The following RSPO2 variants were observed in gnomAD, a reference collection of about 807,000 sequenced individuals.
RSPO2 encodes R-spondin 2.
RSPO2 carries 14 observed loss-of-function variants against 30.9 expected under a neutral mutation model. The ratio of observed to expected loss-of-function variants is 0.45; its 90% CI spans 0.30 to 0.71. The LOEUF (loss-of-function observed/expected upper bound fraction) is 0.71. RSPO2 is among the 30% of genes least tolerant of loss of function. The probability of loss-of-function intolerance (pLI) is 0.08; values close to 1 mark genes in which losing one functional copy is unlikely to be tolerated. For synonymous variants in RSPO2, 107 were observed against 96.4 expected, an observed-to-expected ratio of 1.11 and a Z score of -0.64; for missense variants, 264 against 301.9, an observed-to-expected ratio of 0.87 and a Z score of 0.93.
intron 2 of RSPO2, among the ~76,000 whole-genome samples, chr8:108,004,825 C>T (rs1332747094): frequency 6.6e-6 from 1 of 152,094 alleles, no homozygotes; most frequent in Non-Finnish European, 1.5e-5. Context: ...TTTCAGTAAT[C>T]AGTATGTATT....
rs1281742725 is a variant in RSPO2 at position 107,900,759 on chromosome 8, C to CACA, written c.*313_*315dup. 5 of 243,494 alleles carry CACA rather than the reference C, an allele frequency of 2.1e-5. No individual in the cohort carries two copies. Among genetic ancestry groups the CACA allele is most frequent in the African/African-American group, 1.1e-4 (5 of 44,772 alleles). The allele number at this position is 243,494 out of a possible 1,614,324, so 15.1% of individuals were successfully genotyped here. A position where few individuals can be genotyped will look rare whatever the true frequency, so the allele number is the denominator to read the frequency against. ...AAGCATCTTCTTTCACATAAATAGG[C>CACA]ACAAGTCCGTCCTCCAGCGGTGTTC... On this transcript the variant is annotated 3_prime_UTR_variant, in exon 6 of 6. Coordinates refer to ENST00000276659, the MANE Select transcript of RSPO2 (RefSeq NM_178565.5).
At chr8:107,926,478 T>C (rs1243758963) in intron 5 of RSPO2, among the ~76,000 whole-genome samples, 2 of 152,220 alleles carry the variant, frequency 1.3e-5, no homozygotes, top group Admixed American at 1.3e-4. Flanking sequence ...TCCTTGCCCA[T>C]GCCTATGTCC....
Position 108,082,724 on chromosome 8 carries a change from G to T in RSPO2, c.-86C>A. On this transcript the variant is annotated 5_prime_UTR_variant, in exon 2 of 6. Transcript: ENST00000276659. ...AAGAGCCGGCGCCGGCCGCGCTGCT[G>T]GGGAGGACTCAGAGGGAGACTCGCC... 8.7e-7 allele frequency: 1 copy of T among 1,150,494 alleles called. No homozygotes were observed. The highest frequency in any genetic ancestry group is 1.3e-6 in the Non-Finnish European group (1 of 781,494). 71.3% of individuals were successfully genotyped at this position (1,150,494 alleles called of 1,614,324 possible). A position where few individuals can be genotyped will look rare whatever the true frequency, so the allele number is the denominator to read the frequency against.
rs1268353391 is a variant in RSPO2 at position 107,899,647 on chromosome 8, C to G, written c.*1428G>C. On this transcript the variant is annotated 3_prime_UTR_variant, in exon 6 of 6. Transcript: ENST00000276659. ...CAAGGTGAAAAAAAAAAGGCTTTAC[C>G]TTGCTTTGTTTCAAAATCCACAACC... The G allele has an allele frequency of 6.6e-6, 1 of 152,448 alleles. No individual in the cohort carries two copies. Among genetic ancestry groups the G allele is most frequent in the Non-Finnish European group, 1.5e-5 (1 of 67,998 alleles). 9.4% of individuals were successfully genotyped at this position (152,448 alleles called of 1,614,324 possible). A position where few individuals can be genotyped will look rare whatever the true frequency, so the allele number is the denominator to read the frequency against.
chr8:108,057,040 A>T, intron 2 of RSPO2, among the ~76,000 whole-genome samples: 1 of 125,740 alleles, frequency 8.0e-6, no homozygotes, highest in Non-Finnish European at 1.6e-5. Flanking sequence ...CTGGCAACAG[A>T]GTGAGACTCT....
chr8:107,940,793 G>A (rs73700342), intron 5 of RSPO2, among the ~76,000 whole-genome samples: 16,139 of 152,104 alleles, frequency 0.11, 993 homozygotes, highest in East Asian at 0.22. Flanking sequence ...TTAACCAATA[G>A]ATGAATAAGG....
intron 5 of RSPO2, among the ~76,000 whole-genome samples, chr8:107,940,261 C>G (rs1461740694): frequency 6.6e-6 from 1 of 151,922 alleles, no homozygotes; most frequent in African/African-American, 2.4e-5. Flanking sequence ...TAAAGGAACT[C>G]AAAATGTAAA....
At chr8:108,000,803 G>C (rs917057930) in intron 2 of RSPO2, among the ~76,000 whole-genome samples, 37 of 152,094 alleles carry the variant, frequency 2.4e-4, no homozygotes, top group African/African-American at 8.2e-4. Flanking sequence ...AGATTGAGAT[G>C]ATCCTGGCTA....
At chr8:108,048,584 G>A (rs1008865382) in intron 2 of RSPO2, among the ~76,000 whole-genome samples, 7 of 151,802 alleles carry the variant, frequency 4.6e-5, no homozygotes, top group South Asian at 4.2e-4. Context: ...TCTTGTTAGC[G>A]GTCTATCAAT....
In RSPO2 at chr8:107,900,467, G is replaced by C. The variant is rs749900001; in HGVS notation, c.*608C>G. 1 of 152,572 alleles carries C rather than the reference G, an allele frequency of 6.6e-6. No individual in the cohort carries two copies. Among genetic ancestry groups the C allele is most frequent in the Non-Finnish European group, 1.5e-5 (1 of 68,038 alleles). The allele number at this position is 152,572 out of a possible 1,614,324, so 9.5% of individuals were successfully genotyped here. On this transcript the variant is annotated 3_prime_UTR_variant, in exon 6 of 6. Transcript: ENST00000276659. Reference sequence around the variant, plus strand: ...GCATCATATTAATCAGGTATGACTTGTTACCCACAAGAAAGCATAAATATA... The same window carrying C: ...GCATCATATTAATCAGGTATGACTTCTTACCCACAAGAAAGCATAAATATA...
intron 2 of RSPO2, among the ~76,000 whole-genome samples, 194 bp downstream of exon 2, chr8:108,082,329 AGCGCGTCTCGCTCCGGCTCCCC>A (rs1586687715): frequency 6.6e-6 from 1 of 152,220 alleles, no homozygotes; most frequent in South Asian, 2.1e-4. Context: ...CCGAGCTCCC[AGCGCGTCTCGCTCCGGCTCCCC>A]GCGCCTCCAG....
In RSPO2 at chr8:107,900,325, A is replaced by G. The variant is rs1193350674; in HGVS notation, c.*750T>C. ...TATCCTACCCTTACAATGAGAAATAAGCCCACAATGAGGGGAAAAAAAAAA... is the reference window on the plus strand; with the variant it reads ...TATCCTACCCTTACAATGAGAAATAGGCCCACAATGAGGGGAAAAAAAAAA... On this transcript the variant is annotated 3_prime_UTR_variant, in exon 6 of 6. Coordinates refer to ENST00000276659, the MANE Select transcript of RSPO2 (RefSeq NM_178565.5). 3.3e-5 allele frequency: 5 copies of G among 152,216 alleles called. No homozygotes were observed. The highest frequency in any genetic ancestry group is 1.2e-4 in the African/African-American group (5 of 41,430). The allele number at this position is 152,216 out of a possible 1,614,324, so 9.4% of individuals were successfully genotyped here. A position where few individuals can be genotyped will look rare whatever the true frequency, so the allele number is the denominator to read the frequency against.
chr8:108,081,423 A>T (rs1156634672), intron 2 of RSPO2, among the ~76,000 whole-genome samples: 1 of 152,270 alleles, frequency 6.6e-6, no homozygotes, highest in Non-Finnish European at 1.5e-5. Context: ...GTCAACATTC[A>T]TGAACCCGGC....
chr8:107,959,409 A>G (rs1261253143), intron 4 of RSPO2, among the ~76,000 whole-genome samples: 1 of 152,166 alleles, frequency 6.6e-6, no homozygotes, highest in Non-Finnish European at 1.5e-5. Context: ...GAGGAAGTAA[A>G]AGGATAAGGG....
intron 3 of RSPO2, among the ~76,000 whole-genome samples, chr8:107,973,371 TGG>T (rs748924775): frequency 0.046 from 7,032 of 152,228 alleles, 295 homozygotes; most frequent in African/African-American, 0.11. Flanking sequence ...CTGTATTACA[TGG>T]TTTAAGGTAC....
At chr8:107,948,932 T>C (rs1232501372) in intron 5 of RSPO2, among the ~76,000 whole-genome samples, 4 of 149,928 alleles carry the variant, frequency 2.7e-5, no homozygotes, top group Non-Finnish European at 4.4e-5. Context: ...GTTTGAAGAG[T>C]AACTGCCCCC....
chr8:107,998,078 T>C (rs1488425236), intron 2 of RSPO2, among the ~76,000 whole-genome samples: 2 of 152,220 alleles, frequency 1.3e-5, no homozygotes, highest in Non-Finnish European at 1.5e-5. Context: ...GGTCAAATAA[T>C]GTTGCAAGTT....
At chr8:107,974,678 G>A (rs879864359) in intron 3 of RSPO2, among the ~76,000 whole-genome samples, 19 of 152,140 alleles carry the variant, frequency 1.2e-4, no homozygotes, top group Admixed American at 1.1e-3. Context: ...GGGAAGAGAG[G>A]TGGGAGGGAG....
intron 5 of RSPO2, among the ~76,000 whole-genome samples, chr8:107,907,921 T>C (rs1406993827): frequency 2.0e-5 from 3 of 152,144 alleles, no homozygotes; most frequent in Non-Finnish European, 1.5e-5. Flanking sequence ...TCAGATCTGT[T>C]ACCCACTTTG....
Sources: allele counts gnomAD v4.1 joint callset (sites outside exome capture counted in the v4.1 genomes callset), GRCh38; gene constraint gnomAD v4.1.1; transcripts MANE v1.5; gene names NCBI Gene and HGNC (gene_info 2026-07-23, HGNC 2026-07-21).